PLCXD3: variants seen among roughly 807,000 people sequenced by gnomAD.
The protein encoded by PLCXD3 is PI-PLC X domain-containing protein 3.
Under a neutral mutation model 25.5 loss-of-function variants are expected in PLCXD3, and 19 were observed. The observed-to-expected ratio is 0.75, with a 90% CI of 0.52 to 1.09. PLCXD3 has a LOEUF of 1.09. Ranked by LOEUF, PLCXD3 falls within the 50% of genes least tolerant of loss-of-function variation. PLCXD3 has a pLI of 0.00. For missense variants in PLCXD3, 411 were observed against 388.1 expected, an observed-to-expected ratio of 1.06 and a Z score of -0.50; for synonymous variants, 174 against 137.6, an observed-to-expected ratio of 1.26 and a Z score of -1.85.
At chr5:41,349,383 C>G (rs2329670) in intron 2 of PLCXD3, among the ~76,000 whole-genome samples, 32,337 of 152,140 alleles carry the variant, frequency 0.21, 4,443 homozygotes, top group East Asian at 0.6. Context: ...CTGCTACTTT[C>G]AGAAGAATAA....
intron 2 of PLCXD3, among the ~76,000 whole-genome samples, chr5:41,322,024 A>C (rs1214245364): frequency 1.3e-5 from 2 of 152,116 alleles, no homozygotes; most frequent in Non-Finnish European, 2.9e-5. Flanking sequence ...TCTGGGCAAA[A>C]ATTTCTTGAG....
chr5:41,316,652 A>G (rs965735014), intron 2 of PLCXD3, among the ~76,000 whole-genome samples: 1 of 152,108 alleles, frequency 6.6e-6, no homozygotes, highest in African/African-American at 2.4e-5. Flanking sequence ...GTCCCAGGCT[A>G]GGCAGCATCC....
chr5:41,334,028 C>CTGTG (rs757780064), intron 2 of PLCXD3, among the ~76,000 whole-genome samples: 44 of 152,246 alleles, frequency 2.9e-4, no homozygotes, highest in East Asian at 1.5e-3. Flanking sequence ...AAATATTATT[C>CTGTG]TGTGTGCTGA....
intron 1 of PLCXD3, among the ~76,000 whole-genome samples, chr5:41,393,352 A>G (rs1027871411): frequency 6.6e-6 from 1 of 152,164 alleles, no homozygotes. Flanking sequence ...TGCAGCTCCA[A>G]TATGTCTGGC....
At position 41,472,093 on chromosome 5, in the gene PLCXD3, T is replaced by C. The variant is rs181576538; in HGVS notation, c.103+38331A>G. On this transcript the variant is annotated intron_variant, in intron 1 of 2. Coordinates refer to ENST00000377801, the MANE Select transcript of PLCXD3 (RefSeq NM_001005473.3). ...GGCTCAATTCCAGAAAAATGCCACATAATTTAAATCTGGATATATTTCCTA... is the reference window on the plus strand; with the variant it reads ...GGCTCAATTCCAGAAAAATGCCACACAATTTAAATCTGGATATATTTCCTA... Among the ~76,000 whole-genome samples the C allele has an allele frequency of 6.7e-4, 100 of 149,970 alleles. 1 individual carries two copies. The highest frequency in any genetic ancestry group is 3.5e-3 in the Middle Eastern group (1 of 288).
intron 1 of PLCXD3, among the ~76,000 whole-genome samples, chr5:41,462,837 A>T (rs1747922993): frequency 6.6e-6 from 1 of 151,942 alleles, no homozygotes; most frequent in African/African-American, 2.4e-5. Flanking sequence ...TTGAAAAATG[A>T]TGCTGAGATG....
chr5:41,401,905 T>A (rs1271498047), intron 1 of PLCXD3, among the ~76,000 whole-genome samples: 3 of 152,028 alleles, frequency 2.0e-5, no homozygotes, highest in African/African-American at 7.2e-5. Flanking sequence ...TTCATAATAT[T>A]CTTATTACAC....
chr5:41,392,368 A>G (rs1363105036), intron 1 of PLCXD3, among the ~76,000 whole-genome samples: 1 of 150,534 alleles, frequency 6.6e-6, no homozygotes, highest in Non-Finnish European at 1.5e-5. Flanking sequence ...AGAGAGAGAG[A>G]CTCTGTATAT....
At chr5:41,379,613 G>A (rs1745395147) in intron 2 of PLCXD3, among the ~76,000 whole-genome samples, 1 of 152,066 alleles carries the variant, frequency 6.6e-6, no homozygotes, top group Admixed American at 6.6e-5. Flanking sequence ...TGTTATAGAT[G>A]TTGTCAGGGG....
At chr5:41,417,636 AG>A (rs1321460308) in intron 1 of PLCXD3, among the ~76,000 whole-genome samples, 1 of 152,208 alleles carries the variant, frequency 6.6e-6, no homozygotes, top group Admixed American at 6.5e-5. Flanking sequence ...TCTGATTAAC[AG>A]CTAATTATTG....
At chr5:41,329,596 T>A (rs1176886082) in intron 2 of PLCXD3, among the ~76,000 whole-genome samples, 1 of 152,062 alleles carries the variant, frequency 6.6e-6, no homozygotes, top group East Asian at 1.9e-4. Flanking sequence ...AGTAATTTTT[T>A]ACAAAAAATA....
chr5:41,487,532 T>C (rs1157656256), intron 1 of PLCXD3, among the ~76,000 whole-genome samples: 2 of 152,142 alleles, frequency 1.3e-5, no homozygotes, highest in African/African-American at 2.4e-5. Context: ...TTCTACTCAT[T>C]TGAGAAATAA....
chr5:41,467,553 T>G (rs1748046095), intron 1 of PLCXD3, among the ~76,000 whole-genome samples: 1 of 152,232 alleles, frequency 6.6e-6, no homozygotes, highest in Admixed American at 6.5e-5. Flanking sequence ...GCTTGTTAGT[T>G]TGATGCAATC....
chr5:41,368,372 T>C (rs1744997488), intron 2 of PLCXD3, among the ~76,000 whole-genome samples: 1 of 152,220 alleles, frequency 6.6e-6, no homozygotes, highest in South Asian at 2.1e-4. Context: ...TAGCAATTTT[T>C]GCACATTAAT....
intron 1 of PLCXD3, among the ~76,000 whole-genome samples, chr5:41,445,680 C>A (rs1208038597): frequency 6.6e-6 from 1 of 152,072 alleles, no homozygotes; most frequent in Non-Finnish European, 1.5e-5. Flanking sequence ...AAAGAGGGAA[C>A]AAGGTAAAAT....
At chr5:41,442,398 A>G (rs1747404914) in intron 1 of PLCXD3, among the ~76,000 whole-genome samples, 1 of 152,218 alleles carries the variant, frequency 6.6e-6, no homozygotes, top group Non-Finnish European at 1.5e-5. Context: ...TATGTATCAT[A>G]CACATTAAAG....
At chr5:41,495,215 G>T (rs1468259276) in intron 1 of PLCXD3, among the ~76,000 whole-genome samples, 1 of 152,248 alleles carries the variant, frequency 6.6e-6, no homozygotes, top group Non-Finnish European at 1.5e-5. Flanking sequence ...AGACTAGACT[G>T]CACGTCCAAC....
chr5:41,476,241 A>C (rs1374065306), intron 1 of PLCXD3, among the ~76,000 whole-genome samples: 5 of 152,340 alleles, frequency 3.3e-5, no homozygotes, highest in African/African-American at 9.6e-5. Context: ...AAAAGTTTAC[A>C]TAGCAGGCCT....
chr5:41,489,405 C>T (rs376661402), intron 1 of PLCXD3, among the ~76,000 whole-genome samples: 46 of 151,928 alleles, frequency 3.0e-4, no homozygotes, highest in East Asian at 1.7e-3. Context: ...ATTGACTTGG[C>T]GATGCGGGCT....
Sources: gnomAD v4.1 joint callset for allele counts (sites outside exome capture counted in the v4.1 genomes callset) on GRCh38, gnomAD v4.1.1 for gene constraint, MANE v1.5 for transcripts, NCBI Gene and HGNC (gene_info 2026-07-23, HGNC 2026-07-21) for gene names.